Variants in RFX3 observed in about 807,000 individuals in gnomAD.
RFX3 encodes the protein regulatory factor X3.
In RFX3, 14 loss-of-function variants were observed where a neutral mutation model predicts 98.6. The ratio of observed to expected loss-of-function variants is 0.14; its 90% CI spans 0.09 to 0.22. RFX3 has a LOEUF of 0.22. Ranked by LOEUF, RFX3 falls within the 10% of genes least tolerant of loss-of-function variation. RFX3 has a pLI of 1.00. For missense variants in RFX3, 639 were observed against 926.9 expected (o/e 0.69, Z 4.03); for synonymous variants, 383 against 328.4 (o/e 1.17, Z -1.80).
At chr9:3,235,387 C>A (rs1477316141) in intron 15 of RFX3, among the ~76,000 whole-genome samples, 1 of 152,138 alleles carries the variant, frequency 6.6e-6, no homozygotes, top group Non-Finnish European at 1.5e-5. Context: ...GGAGGAAGAA[C>A]CTATAATCCG....
intron 3 of RFX3, among the ~76,000 whole-genome samples, chr9:3,340,336 A>G (rs1457073242): frequency 2.0e-5 from 3 of 152,134 alleles, no homozygotes; most frequent in Non-Finnish European, 2.9e-5. Context: ...TCAGGACATA[A>G]GCATGGGCAA....
At position 3,324,770 on chromosome 9, in the gene RFX3, G is replaced by A. The variant is rs139219138; in HGVS notation, c.474+5489C>T. Reference sequence around the variant, plus strand: ...CTGAGGTCAGGAGTTTGAGACCAGTGTGGCAAACATGGTGAAACACCGTCT... The same window carrying A: ...CTGAGGTCAGGAGTTTGAGACCAGTATGGCAAACATGGTGAAACACCGTCT... On this transcript the variant is annotated intron_variant, in intron 4 of 16. Coordinates refer to ENST00000617270, the MANE Select transcript of RFX3 (RefSeq NM_001282116.2). Among the ~76,000 whole-genome samples the A allele has an allele frequency of 4.4e-3, 667 of 151,964 alleles. 6 individuals are homozygous for A. The highest frequency in any genetic ancestry group is 0.015 in the African/African-American group (641 of 41,454).
At chr9:3,239,639 G>T (rs1428231763) in intron 15 of RFX3, among the ~76,000 whole-genome samples, 3 of 152,218 alleles carry the variant, frequency 2.0e-5, no homozygotes, top group Admixed American at 1.3e-4. Flanking sequence ...ATTGGCCTTA[G>T]TTGCCTTTGA....
chr9:3,301,676 G>T (rs1828675840), intron 4 of RFX3, 56 bp from the exon 5 acceptor site: 3 of 1,244,754 alleles, frequency 2.4e-6, no homozygotes, highest in Admixed American at 1.8e-5. Context: ...ATAAAAGGCT[G>T]ACCAGAGAAT....
chr9:3,418,185 C>T (rs1843136685), intron 1 of RFX3, among the ~76,000 whole-genome samples: 2 of 152,104 alleles, frequency 1.3e-5, no homozygotes, highest in Admixed American at 1.3e-4. Context: ...AGTAGCAATG[C>T]CTTAGTTTCT....
intron 4 of RFX3, among the ~76,000 whole-genome samples, chr9:3,316,045 T>C (rs539332326): frequency 3.3e-5 from 5 of 152,244 alleles, no homozygotes; most frequent in Admixed American, 1.3e-4. Flanking sequence ...ATCATCCTGA[T>C]ACCAAAGGCT....
chr9:3,219,644 T>G lies in RFX3; in HGVS notation c.*5398A>C, dbSNP rs918394501. 6.6e-6 allele frequency: 1 copy of G among 152,114 alleles called. No individual in the cohort carries two copies. Among genetic ancestry groups the G allele is most frequent in the Admixed American group, 6.6e-5 (1 of 15,262 alleles). 9.4% of individuals were successfully genotyped at this position (152,114 alleles called of 1,614,324 possible). A position where few individuals can be genotyped will look rare whatever the true frequency, so the allele number is the denominator to read the frequency against. On this transcript the variant is annotated 3_prime_UTR_variant, in exon 17 of 17. Coordinates refer to ENST00000617270, the MANE Select transcript of RFX3 (RefSeq NM_001282116.2). ...GTAAAATTGGTAAACTAAACTCAGG[T>G]CTACTGGCACATAAAATCACTAGCA...
chr9:3,457,414 T>C (rs1847289723), intron 1 of RFX3, among the ~76,000 whole-genome samples: 2 of 152,156 alleles, frequency 1.3e-5, no homozygotes, highest in South Asian at 4.1e-4. Flanking sequence ...TTTGCCTTTC[T>C]TAACTTCAAT....
intron 4 of RFX3, among the ~76,000 whole-genome samples, chr9:3,304,438 G>C (rs769488110): frequency 6.6e-6 from 1 of 151,906 alleles, no homozygotes; most frequent in African/African-American, 2.4e-5. Context: ...CAGTAAGAGA[G>C]ACAGGGTATA....
At chr9:3,250,644 T>G (rs1459122435) in intron 14 of RFX3, among the ~76,000 whole-genome samples, 1 of 152,050 alleles carries the variant, frequency 6.6e-6, no homozygotes, top group Non-Finnish European at 1.5e-5. Flanking sequence ...TGCAGCACAA[T>G]ATTTCTACTA....
chr9:3,501,206 T>A (rs147582067), intron 1 of RFX3, among the ~76,000 whole-genome samples: 2 of 152,316 alleles, frequency 1.3e-5, no homozygotes, highest in East Asian at 3.9e-4. Flanking sequence ...TTCATCTCCA[T>A]TTACCCACCT....
At chr9:3,467,398 G>C (rs1324698029) in intron 1 of RFX3, among the ~76,000 whole-genome samples, 1 of 150,348 alleles carries the variant, frequency 6.7e-6, no homozygotes, top group Non-Finnish European at 1.5e-5. Flanking sequence ...AGGGTTTTTT[G>C]TCAGTCATAA....
At chr9:3,515,920 TG>T (rs756377030) in intron 1 of RFX3, among the ~76,000 whole-genome samples, 1 of 152,216 alleles carries the variant, frequency 6.6e-6, no homozygotes, top group Non-Finnish European at 1.5e-5. Context: ...CCTATTAGGC[TG>T]GTAAAAGAGT....
At chr9:3,494,727 G>A (rs1850982684) in intron 1 of RFX3, among the ~76,000 whole-genome samples, 1 of 152,022 alleles carries the variant, frequency 6.6e-6, no homozygotes, top group African/African-American at 2.4e-5. Flanking sequence ...TGATAACTAT[G>A]GAACTGGTGT....
intron 1 of RFX3, among the ~76,000 whole-genome samples, chr9:3,396,451 T>A (rs1013842279): frequency 6.6e-6 from 1 of 152,210 alleles, no homozygotes; most frequent in South Asian, 2.1e-4. Context: ...TGTTGGACAT[T>A]TGGCTTGGTT....
rs192621616 is a variant in RFX3 at position 3,243,034 on chromosome 9, T to A, written c.1968+4998A>T. ...ATTCAGTGAATATATTAATGGACTA[T>A]GTATGTTTTAAAGAGATAAAGCAGA... On this transcript the variant is annotated intron_variant, in intron 15 of 16. Transcript: ENST00000617270. 2.0e-3 allele frequency among the ~76,000 whole-genome samples: 311 copies of A among 152,100 alleles called. 1 individual carries two copies. Among genetic ancestry groups the A allele is most frequent in the African/African-American group, 7.2e-3 (300 of 41,562 alleles).
intron 14 of RFX3, among the ~76,000 whole-genome samples, chr9:3,248,497 T>C (rs747969721): frequency 9.9e-5 from 15 of 152,168 alleles, no homozygotes; most frequent in Non-Finnish European, 2.1e-4. Context: ...AACACAAAAA[T>C]GTCTGAAAGA....
chr9:3,270,133 A>AAGAAAGAAAGGAAAG (rs1563833757), intron 11 of RFX3, among the ~76,000 whole-genome samples: 15 of 151,906 alleles, frequency 9.9e-5, no homozygotes, highest in African/African-American at 3.4e-4. Context: ...AAAGGAAAGA[A>AAGAAAGAAAGGAAAG]AGAAAGAAAA....
chr9:3,352,426 C>T (rs1835256790), intron 2 of RFX3, among the ~76,000 whole-genome samples: 1 of 151,872 alleles, frequency 6.6e-6, no homozygotes, highest in African/African-American at 2.4e-5. Flanking sequence ...ATTTATATTG[C>T]TCTTAGATTT....
Sources: gnomAD v4.1 joint callset for allele counts (sites outside exome capture counted in the v4.1 genomes callset) on GRCh38, gnomAD v4.1.1 for gene constraint, MANE v1.5 for transcripts, NCBI Gene and HGNC (gene_info 2026-07-23, HGNC 2026-07-21) for gene names.